CNTN5: variants seen among roughly 807,000 people sequenced by gnomAD.
The protein encoded by CNTN5 is contactin 5, also known as contactin-5.
Under a neutral mutation model 129.1 loss-of-function variants are expected in CNTN5, and 77 were observed. That is an observed-to-expected ratio of 0.60 (90% CI 0.50 to 0.72). CNTN5 has a LOEUF of 0.72. CNTN5 is among the 30% of genes least tolerant of loss of function. The pLI, the probability that CNTN5 is intolerant of heterozygous loss-of-function variation, is 0.00. For synonymous variants in CNTN5, 509 were observed against 465.6 expected (o/e 1.09, Z -1.20); for missense variants, 1,478 against 1,328.8 (o/e 1.11, Z -1.75).
chr11:99,162,506 C>T (rs1242316584), intron 1 of CNTN5, among the ~76,000 whole-genome samples: 1 of 152,082 alleles, frequency 6.6e-6, no homozygotes, highest in Admixed American at 6.6e-5. Context: ...GGATTTCAAT[C>T]CTTGCATTAA....
rs917677717 is a variant in CNTN5, at chr11:99,758,276, T to A, written c.56-61268T>A. Among the ~76,000 whole-genome samples, 5 of 152,024 alleles carry A rather than the reference T, an allele frequency of 3.3e-5. No individual in the cohort carries two copies. In the South Asian group the frequency reaches 1.0e-3, roughly 31 times the overall value. The stretch of plus-strand genomic sequence containing the variant: ...TTTTTTTATTTAATTGTTCAACCAA[T>A]CAACAGCTATTTATAACCTATATGG... On this transcript the variant is annotated intron_variant, in intron 3 of 24. Transcript: ENST00000524871.
chr11:100,135,084 A>G (rs1335493160), intron 13 of CNTN5, among the ~76,000 whole-genome samples: 1 of 152,134 alleles, frequency 6.6e-6, no homozygotes, highest in African/African-American at 2.4e-5. Flanking sequence ...GGGATTCTAA[A>G]GACATAAAGA....
chr11:100,023,449 TATC>T (rs1187480323), intron 9 of CNTN5, among the ~76,000 whole-genome samples: 4 of 152,218 alleles, frequency 2.6e-5, no homozygotes, highest in Admixed American at 6.5e-5. Flanking sequence ...TCTCCTCTGT[TATC>T]ATCATCTACC....
chr11:99,908,230 T>C (rs1287236075), intron 6 of CNTN5, among the ~76,000 whole-genome samples: 3 of 152,056 alleles, frequency 2.0e-5, no homozygotes, highest in Admixed American at 2.0e-4. Flanking sequence ...TAAGGAGTCA[T>C]AGTAGTAGGC....
At chr11:99,400,409 T>C (rs779822255) in intron 2 of CNTN5, among the ~76,000 whole-genome samples, 7 of 152,116 alleles carry the variant, frequency 4.6e-5, no homozygotes, top group Non-Finnish European at 8.8e-5. Flanking sequence ...ATTTCATTCT[T>C]TTTTTATGGC....
At chr11:99,775,690 A>G (rs930303066) in intron 3 of CNTN5, among the ~76,000 whole-genome samples, 17 of 152,004 alleles carry the variant, frequency 1.1e-4, no homozygotes, top group Middle Eastern at 3.2e-3. Context: ...CTCTCTCTCT[A>G]TGTATATTTA....
chr11:99,419,604 T>C (rs1391755216), intron 2 of CNTN5, among the ~76,000 whole-genome samples: 1 of 152,158 alleles, frequency 6.6e-6, no homozygotes, highest in Non-Finnish European at 1.5e-5. Flanking sequence ...CAGAGTTATA[T>C]GGACTGTAGC....
chr11:99,274,229 C>T (rs1184654612), intron 1 of CNTN5, among the ~76,000 whole-genome samples: 6 of 151,636 alleles, frequency 4.0e-5, no homozygotes, highest in Non-Finnish European at 8.9e-5. Flanking sequence ...TTGCTTTGTG[C>T]TATTACTTTC....
chr11:99,757,781 C>A (rs1230785158), intron 3 of CNTN5, among the ~76,000 whole-genome samples: 2 of 151,956 alleles, frequency 1.3e-5, no homozygotes, highest in Non-Finnish European at 2.9e-5. Context: ...TAAGCTAAGA[C>A]AAGTTAGTTA....
intron 3 of CNTN5, among the ~76,000 whole-genome samples, chr11:99,612,349 C>A (rs1352511852): frequency 6.6e-6 from 1 of 152,106 alleles, no homozygotes; most frequent in African/African-American, 2.4e-5. Context: ...TCACTTATCA[C>A]CTGTGGATCT....
intron 2 of CNTN5, among the ~76,000 whole-genome samples, chr11:99,443,877 C>T (rs1160394403): frequency 6.6e-6 from 1 of 152,102 alleles, no homozygotes; most frequent in South Asian, 2.1e-4. Context: ...ATTTTTGAAT[C>T]TTTTCTATTG....
At chr11:99,519,586 G>T (rs779611343) in intron 2 of CNTN5, among the ~76,000 whole-genome samples, 27 of 151,756 alleles carry the variant, frequency 1.8e-4, no homozygotes, top group Non-Finnish European at 3.1e-4. Context: ...TTCTAATTAT[G>T]CTCTCATTTA....
Position 100,071,835 on chromosome 11 carries a change from G to C in CNTN5, c.1429+1G>C, listed in dbSNP as rs1196433062. 6.3e-7 allele frequency: 1 copy of C among 1,579,204 alleles called. No individual in the cohort carries two copies. Among genetic ancestry groups the C allele is most frequent in the Non-Finnish European group, 8.5e-7 (1 of 1,169,704 alleles). On this transcript the variant is annotated splice_donor_variant, in intron 12 of 24. Coordinates refer to ENST00000524871, the MANE Select transcript of CNTN5 (RefSeq NM_014361.4). LOFTEE classifies it high-confidence loss of function. ...GCTAGTGCTGAGCTGAAGATTCTAGGTATGCAGTTTCTAAGTGAATAAATT... is the reference window on the plus strand; with the variant it reads ...GCTAGTGCTGAGCTGAAGATTCTAGCTATGCAGTTTCTAAGTGAATAAATT...
At chr11:99,930,093 T>C (rs1440110810) in intron 7 of CNTN5, among the ~76,000 whole-genome samples, 1 of 152,104 alleles carries the variant, frequency 6.6e-6, no homozygotes, top group Non-Finnish European at 1.5e-5. Context: ...TCGCAGTATG[T>C]AGAGTGACTT....
rs997085039 is a variant in CNTN5 at position 99,101,779 on chromosome 11, A to T, written c.-210+80509A>T. On this transcript the variant is annotated intron_variant, in intron 1 of 24. Transcript: ENST00000524871. The stretch of plus-strand genomic sequence containing the variant: ...CTTTCACAAATCGGCATTGTCTGTG[A>T]CTTTTCCAGGCACATGGTGTGAGGT... 2.6e-5 allele frequency among the ~76,000 whole-genome samples: 4 copies of T among 152,214 alleles called. No individual in the cohort carries two copies. In the South Asian group the frequency reaches 8.3e-4, roughly 32 times the overall value.
At chr11:99,668,391 A>G (rs1334912983) in intron 3 of CNTN5, among the ~76,000 whole-genome samples, 1 of 152,100 alleles carries the variant, frequency 6.6e-6, no homozygotes, top group Admixed American at 6.6e-5. Flanking sequence ...TGGAGTGGTG[A>G]TTCTCGTATC....
intron 3 of CNTN5, among the ~76,000 whole-genome samples, chr11:99,680,708 T>A (rs758711028): frequency 6.6e-6 from 1 of 151,872 alleles, no homozygotes; most frequent in South Asian, 2.1e-4. Context: ...TGAATCCTTA[T>A]CAGAAGGTTT....
At chr11:100,168,538 GAA>G (rs1233412351) in intron 13 of CNTN5, among the ~76,000 whole-genome samples, 1 of 151,914 alleles carries the variant, frequency 6.6e-6, no homozygotes, top group East Asian at 1.9e-4. Flanking sequence ...TTGCTTTACT[GAA>G]TATTTTAAGC....
intron 2 of CNTN5, among the ~76,000 whole-genome samples, chr11:99,534,595 A>T (rs10790777): frequency 0.25 from 37,777 of 152,008 alleles, 5,168 homozygotes; most frequent in Non-Finnish European, 0.31. Context: ...AAAAATACTG[A>T]GTGTTGGTGT....
Sources: allele counts gnomAD v4.1 joint callset (sites outside exome capture counted in the v4.1 genomes callset), GRCh38; gene constraint gnomAD v4.1.1; transcripts MANE v1.5; gene names NCBI Gene and HGNC (gene_info 2026-07-23, HGNC 2026-07-21).